Variants in SUFU observed in about 807,000 individuals in gnomAD.
SUFU encodes the protein SUFU negative regulator of hedgehog signaling.
SUFU carries 7 observed loss-of-function variants against 58.9 expected under a neutral mutation model. The observed-to-expected ratio is 0.12, with a 90% CI of 0.07 to 0.22. The LOEUF is 0.22. SUFU is among the 10% of genes least tolerant of loss of function. SUFU has a pLI of 1.00. For missense variants in SUFU, 451 were observed against 641.3 expected (o/e 0.70, Z 3.20); for synonymous variants, 232 against 254.8 (o/e 0.91, Z 0.85).
At chr10:102,587,901 T>A (rs1022653445) in intron 3 of SUFU, among the ~76,000 whole-genome samples, 1 of 152,208 alleles carries the variant, frequency 6.6e-6, no homozygotes, top group Admixed American at 6.5e-5. Flanking sequence ...GTCAAAAGAT[T>A]TACTCCAATG....
rs71474507 is a variant in SUFU at position 102,580,029 on chromosome 10, A to ACCCCCCC, written c.455-12549_455-12543dup. Among the ~76,000 whole-genome samples the ACCCCCCC allele has an allele frequency of 3.0e-3, 253 of 84,556 alleles. 6 individuals are homozygous for ACCCCCCC. Among genetic ancestry groups the ACCCCCCC allele is most frequent in the Non-Finnish European group, 3.7e-3 (151 of 40,414 alleles). 55.5% of individuals were successfully genotyped at this position (84,556 alleles called of 152,430 possible). ...ATCTGTTTTGGGTCTCCTCCCCCGC[A>ACCCCCCC]CCCCCCCCCCGCCCCCAGTTTGTTT... On this transcript the variant is annotated intron_variant, in intron 3 of 11. Transcript: ENST00000369902.
chr10:102,565,225 T>G (rs1382683704), intron 3 of SUFU, among the ~76,000 whole-genome samples: 4 of 152,212 alleles, frequency 2.6e-5, no homozygotes, highest in African/African-American at 7.2e-5. Flanking sequence ...ATATTTTATC[T>G]CTGGCCGTTC....
chr10:102,583,195 T>C (rs1194669243), intron 3 of SUFU, among the ~76,000 whole-genome samples: 7 of 152,190 alleles, frequency 4.6e-5, no homozygotes, highest in Admixed American at 3.9e-4. Context: ...TTGAAAACTG[T>C]GACCAGGGCT....
intron 3 of SUFU, among the ~76,000 whole-genome samples, chr10:102,563,784 T>TC (rs2063062625): frequency 6.6e-6 from 1 of 151,350 alleles, no homozygotes; most frequent in South Asian, 2.1e-4. Context: ...TTTTTTTTGT[T>TC]GTTAAATTAA....
chr10:102,547,502 G>A (rs981787064), intron 2 of SUFU, among the ~76,000 whole-genome samples: 3 of 152,230 alleles, frequency 2.0e-5, no homozygotes, highest in Non-Finnish European at 4.4e-5. Context: ...GATACCTGGG[G>A]AAAATGAAAC....
At chr10:102,550,469 G>C (rs2062901027) in intron 3 of SUFU, among the ~76,000 whole-genome samples, 1 of 152,126 alleles carries the variant, frequency 6.6e-6, no homozygotes, top group South Asian at 2.1e-4. Flanking sequence ...CTTTGTTTTT[G>C]TAAGTAGCCT....
chr10:102,505,435 A>G (rs866911259), intron 1 of SUFU, among the ~76,000 whole-genome samples: 2 of 152,326 alleles, frequency 1.3e-5, no homozygotes, highest in South Asian at 4.1e-4. Flanking sequence ...ATGATCTTCA[A>G]TGAGTCTTGA....
At chr10:102,588,821 A>G (rs1170145521) in intron 3 of SUFU, among the ~76,000 whole-genome samples, 2 of 152,230 alleles carry the variant, frequency 1.3e-5, no homozygotes, top group African/African-American at 2.4e-5. Context: ...TTTTCAGAGT[A>G]TAAGTTTTCA....
chr10:102,613,034 C>T (rs2063642539), intron 8 of SUFU, among the ~76,000 whole-genome samples: 1 of 152,192 alleles, frequency 6.6e-6, no homozygotes, highest in Non-Finnish European at 1.5e-5. Flanking sequence ...TCACCTGTGA[C>T]TGCTGCCTCC....
chr10:102,560,487 A>G (rs1189905666), intron 3 of SUFU, among the ~76,000 whole-genome samples: 1 of 152,134 alleles, frequency 6.6e-6, no homozygotes, highest in Non-Finnish European at 1.5e-5. Context: ...AGGCACGAGA[A>G]TTGCTTGAAC....
At chr10:102,580,039 C>CCCCCCG (rs57264725) in intron 3 of SUFU, among the ~76,000 whole-genome samples, 2 of 139,366 alleles carry the variant, frequency 1.4e-5, no homozygotes, top group Non-Finnish European at 3.2e-5. Context: ...ACCCCCCCCC[C>CCCCCCG]GCCCCCAGTT....
upstream of SUFU, among the ~76,000 whole-genome samples, chr10:102,503,724 C>T (rs1202957570): frequency 2.0e-5 from 3 of 152,224 alleles, no homozygotes; most frequent in Non-Finnish European, 4.4e-5. Flanking sequence ...GCGCACTTCT[C>T]GCTGCTTTCG....
chr10:102,509,271 G>C lies in SUFU; in HGVS notation c.285G>C (p.Leu95=), dbSNP rs1589975337. ...PEHWHYISFG[L]SDLYGDNRVH... is the part of the protein sequence containing the mutation. ...ACTGGCACTACATCAGCTTCGGCCT[G>C]AGTGATCTCTATGGTGACAACAGAG... The change falls in exon 2 of 12, where the codon CTG becomes CTC. Residue 95 remains leucine, a synonymous_variant. Transcript: ENST00000369902. 1 of 1,614,192 alleles carries C rather than the reference G, an allele frequency of 6.2e-7. No homozygotes were observed. Among genetic ancestry groups the C allele is most frequent in the Non-Finnish European group, 8.5e-7 (1 of 1,180,038 alleles).
At chr10:102,620,857 G>C (rs1028755726) in intron 10 of SUFU, among the ~76,000 whole-genome samples, 2 of 152,192 alleles carry the variant, frequency 1.3e-5, no homozygotes, top group Non-Finnish European at 2.9e-5. Context: ...TGATCTGAAG[G>C]GGGATAAGTC....
chr10:102,585,634 G>C (rs1017793632), intron 3 of SUFU, among the ~76,000 whole-genome samples: 3 of 152,060 alleles, frequency 2.0e-5, no homozygotes, highest in Non-Finnish European at 2.9e-5. Flanking sequence ...AACCTCCCGA[G>C]TACCTGGGAC....
At chr10:102,612,140 A>C (rs1208704149) in intron 8 of SUFU, among the ~76,000 whole-genome samples, 1 of 152,016 alleles carries the variant, frequency 6.6e-6, no homozygotes, top group East Asian at 1.9e-4. Context: ...CGATGTCCAG[A>C]AGAAACAAAT....
chr10:102,507,203 A>ATG (rs1306986220), intron 1 of SUFU, among the ~76,000 whole-genome samples: 2 of 152,156 alleles, frequency 1.3e-5, no homozygotes, highest in Non-Finnish European at 2.9e-5. Context: ...TCTCTCCTTG[A>ATG]TGTGACACCT....
intron 11 of SUFU, 137 bp downstream of exon 11, chr10:102,627,380 A>G: frequency 3.5e-6 from 3 of 857,588 alleles, no homozygotes; most frequent in Admixed American, 3.5e-5. Context: ...GTGTGGCTGC[A>G]TCTGTGGGCT....
chr10:102,616,141 T>G (rs1188216840), intron 9 of SUFU, among the ~76,000 whole-genome samples: 2 of 152,260 alleles, frequency 1.3e-5, no homozygotes, highest in Admixed American at 6.5e-5. Flanking sequence ...AGCAAACTCC[T>G]TGAGGGACCA....
Sources: allele counts gnomAD v4.1 joint callset (sites outside exome capture counted in the v4.1 genomes callset), GRCh38; gene constraint gnomAD v4.1.1; transcripts MANE v1.5; gene names NCBI Gene and HGNC (gene_info 2026-07-23, HGNC 2026-07-21).